Variants in WDR12 observed in about 807,000 individuals in gnomAD.
WDR12 encodes ribosome biogenesis protein WDR12.
WDR12 carries 42 observed loss-of-function variants against 64.3 expected under a neutral mutation model. The ratio of observed to expected loss-of-function variants is 0.65; its 90% CI spans 0.51 to 0.84. The LOEUF (loss-of-function observed/expected upper bound fraction) is 0.84. Ranked by LOEUF, WDR12 falls within the 40% of genes least tolerant of loss-of-function variation. The pLI is 0.00. For synonymous variants in WDR12, 158 were observed against 173.3 expected, an observed-to-expected ratio of 0.91 and a Z score of 0.70; for missense variants, 469 against 494.6, an observed-to-expected ratio of 0.95 and a Z score of 0.49.
At position 202,878,723 on chromosome 2, in the gene WDR12, C is replaced by G. The variant is rs1372678060; in HGVS notation, c.*2137G>C. On this transcript the variant is annotated 3_prime_UTR_variant, in exon 13 of 13. Coordinates refer to ENST00000261015, the MANE Select transcript of WDR12 (RefSeq NM_018256.4). ...CCAAGTTTAGATATTGTTTCGCAGA[C>G]TTCTGCAACAGGAACATCATTTGAG... The G allele has an allele frequency of 1.3e-5, 2 of 152,194 alleles. No homozygotes were observed. The highest frequency in any genetic ancestry group is 6.5e-5 in the Admixed American group (1 of 15,280). 9.4% of individuals were successfully genotyped at this position (152,194 alleles called of 1,614,324 possible). A position where few individuals can be genotyped will look rare whatever the true frequency, so the allele number is the denominator to read the frequency against.
At chr2:202,910,442 G>A in intron 1 of WDR12, among the ~76,000 whole-genome samples, 1 of 152,032 alleles carries the variant, frequency 6.6e-6, no homozygotes, top group East Asian at 1.9e-4. Context: ...AAGATTGTTT[G>A]AACCCGGGAG....
intron 6 of WDR12, among the ~76,000 whole-genome samples, chr2:202,895,689 A>ATTTT (rs56005993): frequency 8.4e-6 from 1 of 119,250 alleles, no homozygotes. Flanking sequence ...TGCCCGGCTT[A>ATTTT]TTTTTTTTTT....
intron 12 of WDR12, among the ~76,000 whole-genome samples, chr2:202,881,727 T>C (rs2105902063): frequency 6.6e-6 from 1 of 152,058 alleles, no homozygotes; most frequent in Middle Eastern, 3.4e-3. Flanking sequence ...CCTCAATCTC[T>C]AAAAATAAAT....
intron 8 of WDR12, among the ~76,000 whole-genome samples, chr2:202,891,990 C>T (rs1688164402): frequency 6.6e-6 from 1 of 152,114 alleles, no homozygotes; most frequent in Non-Finnish European, 1.5e-5. Flanking sequence ...ATCTAATGTA[C>T]AGCATGGGTG....
chr2:202,892,633 T>C lies in WDR12; in HGVS notation c.725A>G (p.Gln242Arg), dbSNP rs558895613. Residue 242 changes from glutamine (Q) to arginine (R), a missense_variant, in exon 8 of 13, where the codon CAG (glutamine) becomes CGG (arginine). Gln to Arg is a conservative substitution (Grantham distance 43). Coordinates refer to ENST00000261015, the MANE Select transcript of WDR12 (RefSeq NM_018256.4). ...AATACTGACCCTTGTTAGTCCCAAC[T>C]GTTCTGTCTTCTGTTTCTTTCTTGG... ...NRPRKKQKTE[Q>R]LGLTRTPIVT... is the part of the protein sequence containing the mutation. 6.8e-6 allele frequency: 11 copies of C among 1,613,136 alleles called. No homozygotes were observed. In the African/African-American group the frequency reaches 1.5e-4, roughly 21 times the overall value.
intron 12 of WDR12, among the ~76,000 whole-genome samples, chr2:202,881,949 AT>A (rs1687955517): frequency 6.6e-6 from 1 of 152,122 alleles, no homozygotes; most frequent in Non-Finnish European, 1.5e-5. Context: ...TATTATTATT[AT>A]TTTGAGACAG....
intron 12 of WDR12, among the ~76,000 whole-genome samples, chr2:202,882,089 G>C (rs1226928175): frequency 6.6e-6 from 1 of 151,724 alleles, no homozygotes; most frequent in Non-Finnish European, 1.5e-5. Context: ...CACCACCATG[G>C]ATAACTAATT....
intron 8 of WDR12, among the ~76,000 whole-genome samples, chr2:202,885,306 AC>A (rs1424269904): frequency 2.0e-5 from 3 of 152,166 alleles, no homozygotes; most frequent in African/African-American, 7.2e-5. Flanking sequence ...GTTTCATGTA[AC>A]GTGTTGCGTG....
intron 12 of WDR12, 152 bp from the exon 13 acceptor site, chr2:202,881,089 CGTT>C: frequency 1.9e-6 from 1 of 528,188 alleles, no homozygotes; most frequent in Non-Finnish European, 3.3e-6. Flanking sequence ...AAGGGACCAA[CGTT>C]GTTTCACTAC....
rs1258136379 is a variant in WDR12, at chr2:202,911,671, T to C, written c.-195A>G. ...TGCAGAAAGCACGAGGTTGCCCTTCTACAGACGCCCAGACCACAAACATCG... is the reference window on the plus strand; with the variant it reads ...TGCAGAAAGCACGAGGTTGCCCTTCCACAGACGCCCAGACCACAAACATCG... On this transcript the variant is annotated 5_prime_UTR_variant, in exon 1 of 13. Transcript: ENST00000261015. 6 of 602,646 alleles carry C rather than the reference T, an allele frequency of 1.0e-5. No homozygotes were observed. The highest frequency in any genetic ancestry group is 1.9e-5 in the African/African-American group (1 of 54,034). 37.3% of individuals were successfully genotyped at this position (602,646 alleles called of 1,614,324 possible). A position where few individuals can be genotyped will look rare whatever the true frequency, so the allele number is the denominator to read the frequency against.
intron 12 of WDR12, 105 bp downstream of exon 12, chr2:202,882,606 G>A (rs1168730680): frequency 7.0e-6 from 8 of 1,147,442 alleles, no homozygotes; most frequent in Non-Finnish European, 1.0e-5. Flanking sequence ...GCGATTACAG[G>A]CGTGAGCCAC....
rs35212307 is a variant in WDR12, at chr2:202,901,033, T to C, written c.223A>G (p.Ile75Val). 0.11 allele frequency: 175,545 copies of C among 1,585,214 alleles called. 11,124 individuals carry two copies. The highest frequency in any genetic ancestry group is 0.13 in the Non-Finnish European group (147,936 of 1,160,334). Residue 75 changes from isoleucine (I) to valine (V), a missense_variant, in exon 3 of 13, where the codon ATC becomes GTC. By Grantham distance (29) the Ile-to-Val change is conservative. Transcript: ENST00000261015. ...TAAGAATTTGAACTTACTGATGAGATGTTCTCCATTTCCATGTGTTTGTCC... is the reference window on the plus strand; with the variant it reads ...TAAGAATTTGAACTTACTGATGAGACGTTCTCCATTTCCATGTGTTTGTCC... ...PLDKHMEMENISSEEVVEIEY... is the reference protein window; with the variant it reads ...PLDKHMEMENVSSEEVVEIEY...
chr2:202,886,211 C>G (rs1559158989), intron 8 of WDR12, among the ~76,000 whole-genome samples: 3 of 151,052 alleles, frequency 2.0e-5, no homozygotes, highest in African/African-American at 7.3e-5. Flanking sequence ...AATCCTAGCA[C>G]TTTGGGAGGC....
chr2:202,910,219 T>C (rs1350171853), intron 1 of WDR12, among the ~76,000 whole-genome samples: 2 of 152,184 alleles, frequency 1.3e-5, no homozygotes, highest in Non-Finnish European at 2.9e-5. Flanking sequence ...TACAACTTCA[T>C]GTGAATCAAC....
chr2:202,898,847 G>A (rs1004565651), intron 4 of WDR12, among the ~76,000 whole-genome samples: 6 of 151,534 alleles, frequency 4.0e-5, no homozygotes, highest in Non-Finnish European at 5.9e-5. Context: ...ATATTGCTGG[G>A]TGTAGAGAAA....
At chr2:202,908,606 C>T (rs1173852905) in intron 1 of WDR12, among the ~76,000 whole-genome samples, 1 of 152,168 alleles carries the variant, frequency 6.6e-6, no homozygotes, top group African/African-American at 2.4e-5. Flanking sequence ...TCCAAAGTGA[C>T]CAAAGGCTAA....
chr2:202,906,387 C>G (rs1361846870), intron 2 of WDR12, among the ~76,000 whole-genome samples: 1 of 152,168 alleles, frequency 6.6e-6, no homozygotes, highest in African/African-American at 2.4e-5. Flanking sequence ...CCTCCTCCCC[C>G]ACCCCAAGCC....
intron 4 of WDR12, 73 bp from the exon 5 acceptor site, chr2:202,897,488 A>C: frequency 1.3e-6 from 1 of 770,346 alleles, no homozygotes; most frequent in Non-Finnish European, 2.1e-6. Flanking sequence ...TTTGGCAATG[A>C]CAAAGTAACT....
At chr2:202,903,443 A>AAGGAAG (rs1482007816) in intron 2 of WDR12, among the ~76,000 whole-genome samples, 8 of 115,298 alleles carry the variant, frequency 6.9e-5, no homozygotes, top group African/African-American at 2.1e-4. Flanking sequence ...TAGAGCAATC[A>AAGGAAG]GATGGAAGGA....
Sources: gnomAD v4.1 joint callset for allele counts (sites outside exome capture counted in the v4.1 genomes callset) on GRCh38, gnomAD v4.1.1 for gene constraint, MANE v1.5 for transcripts, NCBI Gene and HGNC (gene_info 2026-07-23, HGNC 2026-07-21) for gene names.